The following ST7 variants were observed in gnomAD, a reference collection of about 807,000 sequenced individuals.
ST7 encodes suppressor of tumorigenicity 7 protein.
A neutral mutation model predicts 78.7 loss-of-function variants in ST7; 28 were observed. The ratio of observed to expected loss-of-function variants is 0.36; its 90% CI spans 0.26 to 0.49. The LOEUF (loss-of-function observed/expected upper bound fraction) is 0.49, where lower values mean the gene tolerates loss of function less well. Ranked by LOEUF, ST7 falls within the 20% of genes least tolerant of loss-of-function variation. The pLI, the probability that ST7 is intolerant of heterozygous loss-of-function variation, is 0.99. For synonymous variants in ST7, 247 were observed against 249.6 expected (o/e 0.99, Z 0.10); for missense variants, 418 against 696.0 (o/e 0.60, Z 4.49).
At chr7:117,074,478 G>A (rs1799203147) in intron 1 of ST7, among the ~76,000 whole-genome samples, 1 of 152,118 alleles carries the variant, frequency 6.6e-6, no homozygotes, top group Non-Finnish European at 1.5e-5. Context: ...GTTAGGAAAA[G>A]TAAATCACAC....
intron 9 of ST7, among the ~76,000 whole-genome samples, chr7:117,160,800 C>T (rs1217949235): frequency 2.0e-5 from 3 of 152,038 alleles, no homozygotes; most frequent in Non-Finnish European, 4.4e-5. Context: ...CTAGCCTAAT[C>T]CCAACCCCAA....
chr7:117,066,192 A>G (rs901064554), intron 1 of ST7, among the ~76,000 whole-genome samples: 3 of 152,178 alleles, frequency 2.0e-5, no homozygotes, highest in Non-Finnish European at 4.4e-5. Flanking sequence ...CAGTGTGCCA[A>G]TCACCTGCCT....
At chr7:117,025,481 C>T (rs1041536149) in intron 1 of ST7, among the ~76,000 whole-genome samples, 9 of 152,134 alleles carry the variant, frequency 5.9e-5, no homozygotes, top group African/African-American at 1.9e-4. Flanking sequence ...GATTTAGCTG[C>T]ATCGGATTTT....
intron 1 of ST7, among the ~76,000 whole-genome samples, chr7:117,053,804 G>T (rs1000578468): frequency 6.6e-6 from 1 of 151,834 alleles, no homozygotes; most frequent in African/African-American, 2.4e-5. Context: ...GTGATGTACT[G>T]ATGTTCTTCA....
chr7:117,209,089 C>T (rs1328249057), intron 12 of ST7, among the ~76,000 whole-genome samples: 1 of 152,100 alleles, frequency 6.6e-6, no homozygotes, highest in Non-Finnish European at 1.5e-5. Context: ...TTTCTCAGCC[C>T]CCGGGAAGTA....
intron 12 of ST7, chr7:117,198,599 G>A (rs1478239826): frequency 7.9e-6 from 2 of 251,854 alleles, no homozygotes; most frequent in East Asian, 1.2e-4. Flanking sequence ...TTATATTCTT[G>A]TTCTGAGCCT....
chr7:117,191,633 A>G (rs1232062389), intron 12 of ST7: 2 of 152,178 alleles, frequency 1.3e-5, no homozygotes, highest in African/African-American at 4.8e-5. Context: ...CTGCTCTTTT[A>G]GTATCTACAT....
chr7:117,040,853 C>A (rs960417313), intron 1 of ST7, among the ~76,000 whole-genome samples: 1 of 152,216 alleles, frequency 6.6e-6, no homozygotes, highest in Non-Finnish European at 1.5e-5. Context: ...AATCTACTAT[C>A]TTGAAGAATA....
At chr7:117,030,589 G>T (rs1261384681) in intron 1 of ST7, among the ~76,000 whole-genome samples, 1 of 152,022 alleles carries the variant, frequency 6.6e-6, no homozygotes, top group African/African-American at 2.4e-5. Flanking sequence ...TGAAAAAATG[G>T]TCAATATCAC....
At chr7:117,061,569 T>C (rs557512284) in intron 1 of ST7, among the ~76,000 whole-genome samples, 176 of 152,300 alleles carry the variant, frequency 1.2e-3, no homozygotes, top group Non-Finnish European at 2.0e-3. Flanking sequence ...AAAACTTAGA[T>C]GTAAATGTTC....
chr7:117,082,593 G>T (rs535887286), intron 1 of ST7, among the ~76,000 whole-genome samples: 5 of 152,250 alleles, frequency 3.3e-5, no homozygotes, highest in Admixed American at 3.3e-4. Flanking sequence ...TCTTAAGCGG[G>T]GCTCATAACT....
intron 1 of ST7, among the ~76,000 whole-genome samples, chr7:117,030,930 T>G (rs1293514166): frequency 6.6e-6 from 1 of 152,114 alleles, no homozygotes; most frequent in Non-Finnish European, 1.5e-5. Context: ...AGACATGGAA[T>G]CAACCTAAAT....
intron 1 of ST7, chr7:116,968,279 C>CCTTCCTTCCTTCCTTCCTTCCTTT (rs1793232770): frequency 2.6e-4 from 4 of 15,282 alleles, no homozygotes; most frequent in African/African-American, 6.7e-4. Flanking sequence ...CTCCCTCCCT[C>CCTTCCTTCCTTCCTTCCTTCCTTT]CCTCCCTCCC....
chr7:117,164,613 G>C (rs1807399836), intron 9 of ST7, among the ~76,000 whole-genome samples: 1 of 152,126 alleles, frequency 6.6e-6, no homozygotes, highest in Non-Finnish European at 1.5e-5. Context: ...TTAAATATAG[G>C]ACTCTTTCCT....
chr7:117,205,114 C>T (rs1157949674), intron 12 of ST7, among the ~76,000 whole-genome samples: 1 of 152,148 alleles, frequency 6.6e-6, no homozygotes, highest in African/African-American at 2.4e-5. Context: ...AGAAGGAGTA[C>T]AAAAGAAGTT....
At chr7:117,128,404 A>G (rs1804048567) in intron 3 of ST7, 1 of 151,894 alleles carries the variant, frequency 6.6e-6, no homozygotes, top group Non-Finnish European at 1.5e-5. Flanking sequence ...ATATGAAGTG[A>G]CAGCCATCAA....
intron 1 of ST7, among the ~76,000 whole-genome samples, chr7:117,058,762 A>G (rs1221874708): frequency 6.6e-6 from 1 of 152,216 alleles, no homozygotes; most frequent in Non-Finnish European, 1.5e-5. Context: ...TTGTAGCACT[A>G]TTCACAATAG....
chr7:117,209,437 A>G (rs1416722574), intron 12 of ST7, among the ~76,000 whole-genome samples: 1 of 152,186 alleles, frequency 6.6e-6, no homozygotes, highest in Non-Finnish European at 1.5e-5. Context: ...CTTAACCTTC[A>G]TGTGTCTGTT....
chr7:117,139,860 A>T (rs1337975554), intron 9 of ST7, among the ~76,000 whole-genome samples: 3 of 152,224 alleles, frequency 2.0e-5, no homozygotes, highest in Admixed American at 6.5e-5. Flanking sequence ...ACTTACAGAA[A>T]TTCCATCCTT....
Sources: gnomAD v4.1 joint callset for allele counts (sites outside exome capture counted in the v4.1 genomes callset) on GRCh38, gnomAD v4.1.1 for gene constraint, MANE v1.5 for transcripts, NCBI Gene and HGNC (gene_info 2026-07-23, HGNC 2026-07-21) for gene names.